SYNPR: variants seen among roughly 807,000 people sequenced by gnomAD.
The protein encoded by SYNPR is synaptoporin.
In SYNPR, 23 loss-of-function variants were observed where a neutral mutation model predicts 32.9. The observed-to-expected ratio is 0.70, with a 90% CI of 0.50 to 0.99. SYNPR has a LOEUF of 0.99. Among genes scored for constraint, SYNPR ranks in the 50% least tolerant of loss-of-function variants. The pLI, the probability that SYNPR is intolerant of heterozygous loss-of-function variation, is 0.00. For synonymous variants in SYNPR, 146 were observed against 135.9 expected, an observed-to-expected ratio of 1.07 and a Z score of -0.52; for missense variants, 318 against 349.3, an observed-to-expected ratio of 0.91 and a Z score of 0.71.
chr3:63,556,901 T>C (rs1313641844), intron 4 of SYNPR, among the ~76,000 whole-genome samples, 160 bp downstream of exon 4: 1 of 152,182 alleles, frequency 6.6e-6, no homozygotes, highest in Non-Finnish European at 1.5e-5. Flanking sequence ...CAAAAACTGA[T>C]GTCTGTCAAT....
intron 4 of SYNPR, among the ~76,000 whole-genome samples, chr3:63,601,473 G>GT (rs980376337): frequency 8.5e-5 from 13 of 152,110 alleles, no homozygotes; most frequent in African/African-American, 3.1e-4. Context: ...CCAAAAGGTA[G>GT]TTTTTTGATC....
the SYNPR span, among the ~76,000 whole-genome samples, chr3:63,209,119 C>T: frequency 6.6e-6 from 1 of 151,950 alleles, no homozygotes; most frequent in Non-Finnish European, 1.5e-5. Context: ...ATGTTTTAAA[C>T]CATCCTGGCT....
intron 2 of SYNPR, among the ~76,000 whole-genome samples, chr3:63,254,398 C>A (rs946765806): frequency 6.6e-6 from 1 of 151,968 alleles, no homozygotes; most frequent in Non-Finnish European, 1.5e-5. Flanking sequence ...ACTAGTACGT[C>A]GTGAGATCAA....
chr3:63,481,549 T>A (rs1226571212), intron 3 of SYNPR, among the ~76,000 whole-genome samples: 1 of 151,986 alleles, frequency 6.6e-6, no homozygotes, highest in Admixed American at 6.6e-5. Context: ...CATAGAGACG[T>A]AGCATTGATA....
intron 2 of SYNPR, among the ~76,000 whole-genome samples, chr3:63,283,933 C>T (rs903834282): frequency 1.3e-5 from 2 of 151,486 alleles, no homozygotes; most frequent in African/African-American, 2.4e-5. Context: ...CTCAGCCTCC[C>T]GAGTAGCTGG....
At chr3:63,512,702 A>G in intron 3 of SYNPR, among the ~76,000 whole-genome samples, 1 of 152,178 alleles carries the variant, frequency 6.6e-6, no homozygotes, top group African/African-American at 2.4e-5. Flanking sequence ...TGGAAGCTGC[A>G]AAAGGCAAGA....
In SYNPR at chr3:63,255,743, A is replaced by G. The variant is rs543928085; in HGVS notation, n.154+3157A>G. ...TTCATCTCAATGGGAAGTGTCAGACAGTGGGTGAAGGACAGTGGGTGCAGT... is the reference window on the plus strand; with the variant it reads ...TTCATCTCAATGGGAAGTGTCAGACGGTGGGTGAAGGACAGTGGGTGCAGT... On this transcript the variant is annotated intron_variant and non_coding_transcript_variant, in intron 2 of 4. Coordinates refer to the SYNPR transcript ENST00000478456. Among the ~76,000 whole-genome samples the G allele has an allele frequency of 4.3e-4, 66 of 152,258 alleles. 1 individual carries two copies. Among genetic ancestry groups the G allele is most frequent in the African/African-American group, 1.5e-3 (63 of 41,560 alleles).
chr3:63,388,062 G>A (rs975873413), intron 2 of SYNPR, among the ~76,000 whole-genome samples: 1 of 152,152 alleles, frequency 6.6e-6, no homozygotes, highest in Non-Finnish European at 1.5e-5. Flanking sequence ...TCTAAAGGCA[G>A]GATGACCCTC....
intron 3 of SYNPR, among the ~76,000 whole-genome samples, chr3:63,550,993 G>A (rs1489792133): frequency 6.6e-6 from 1 of 152,202 alleles, no homozygotes; most frequent in Non-Finnish European, 1.5e-5. Flanking sequence ...CAGGAGCTTG[G>A]TACGTGTTCT....
At chr3:63,604,776 T>C (rs1377548459) in intron 4 of SYNPR, among the ~76,000 whole-genome samples, 1 of 152,208 alleles carries the variant, frequency 6.6e-6, no homozygotes, top group South Asian at 2.1e-4. Context: ...TATTATTTGA[T>C]CTAATTAAAA....
At chr3:63,614,768 A>G (rs760512551) in intron 5 of SYNPR, among the ~76,000 whole-genome samples, 2 of 152,220 alleles carry the variant, frequency 1.3e-5, no homozygotes, top group African/African-American at 2.4e-5. Flanking sequence ...CCATTATTAA[A>G]GTGAAAATTC....
At chr3:63,245,698 AGAGAGAGAGAGAGTGT>A (rs1474855553) in intron 1 of SYNPR, among the ~76,000 whole-genome samples, 5 of 75,386 alleles carry the variant, frequency 6.6e-5, no homozygotes, top group African/African-American at 3.8e-4. Flanking sequence ...AGAGAGAGAG[AGAGAGAGAGAGAGTGT>A]GTGTGTGTGT....
chr3:63,516,066 T>C (rs1376907696), intron 3 of SYNPR, among the ~76,000 whole-genome samples: 1 of 152,106 alleles, frequency 6.6e-6, no homozygotes, highest in African/African-American at 2.4e-5. Context: ...AAAAAAATTA[T>C]ATTTTCAAGG....
At chr3:63,463,502 G>C (rs998242411) in intron 2 of SYNPR, among the ~76,000 whole-genome samples, 5 of 152,106 alleles carry the variant, frequency 3.3e-5, no homozygotes, top group African/African-American at 1.2e-4. Flanking sequence ...GTTTTCAAAG[G>C]AGGCATCCAT....
chr3:63,578,688 C>T (rs948254201), intron 4 of SYNPR, among the ~76,000 whole-genome samples: 8 of 152,118 alleles, frequency 5.3e-5, no homozygotes, highest in South Asian at 4.1e-4. Context: ...CCATCCCTAA[C>T]CAAAGAGAAA....
intron 2 of SYNPR, among the ~76,000 whole-genome samples, chr3:63,298,791 T>C (rs1226870015): frequency 6.6e-6 from 1 of 152,112 alleles, no homozygotes; most frequent in Non-Finnish European, 1.5e-5. Context: ...AAAGCAATAG[T>C]GAGTACTTGA....
chr3:63,533,028 C>T (rs1702138186), intron 3 of SYNPR, among the ~76,000 whole-genome samples: 1 of 152,168 alleles, frequency 6.6e-6, no homozygotes, highest in African/African-American at 2.4e-5. Context: ...GTTCCCATTG[C>T]ACTTGACCTA....
intron 2 of SYNPR, among the ~76,000 whole-genome samples, chr3:63,445,326 G>A (rs1349228850): frequency 2.0e-5 from 3 of 152,144 alleles, no homozygotes; most frequent in African/African-American, 7.2e-5. Context: ...CACAAAGGAA[G>A]AACAAAAAGG....
At chr3:63,232,713 T>C (rs2086175503) in intron 1 of SYNPR, among the ~76,000 whole-genome samples, 2 of 152,184 alleles carry the variant, frequency 1.3e-5, no homozygotes, top group African/African-American at 4.8e-5. Flanking sequence ...GTCCCTAGTC[T>C]GTAAAACGGG....
Sources: gnomAD v4.1 joint callset for allele counts (sites outside exome capture counted in the v4.1 genomes callset) on GRCh38, gnomAD v4.1.1 for gene constraint, MANE v1.5 for transcripts, NCBI Gene and HGNC (gene_info 2026-07-23, HGNC 2026-07-21) for gene names.